The following TNRC6A variants were observed in gnomAD, a reference collection of about 807,000 sequenced individuals.
TNRC6A encodes the protein trinucleotide repeat-containing gene 6A protein.
A neutral mutation model predicts 221.2 loss-of-function variants in TNRC6A; 44 were observed. The observed-to-expected ratio is 0.20, with a 90% CI of 0.16 to 0.26. The LOEUF (loss-of-function observed/expected upper bound fraction) is 0.26. Ranked by LOEUF, TNRC6A falls within the 10% of genes least tolerant of loss-of-function variation. The pLI is 1.00. For synonymous variants in TNRC6A, 847 were observed against 838.5 expected (o/e 1.01, Z -0.18); for missense variants, 2,199 against 2,404.4 (o/e 0.91, Z 1.79).
At chr16:24,795,737 A>G (rs1334381526) in intron 8 of TNRC6A, 170 bp from the exon 9 acceptor site, 6 of 553,662 alleles carry the variant, frequency 1.1e-5, no homozygotes, top group Admixed American at 3.2e-5. Context: ...CCTCACAACC[A>G]TCTAAGATAG....
At chr16:24,775,048 C>T (rs1179206230) in intron 4 of TNRC6A, among the ~76,000 whole-genome samples, 2 of 152,114 alleles carry the variant, frequency 1.3e-5, no homozygotes, top group African/African-American at 4.8e-5. Flanking sequence ...GGAGGGCTGC[C>T]TGTACTTTAT....
intron 2 of TNRC6A, among the ~76,000 whole-genome samples, chr16:24,658,452 T>C (rs1238490597): frequency 6.6e-6 from 1 of 151,822 alleles, no homozygotes; most frequent in Non-Finnish European, 1.5e-5. Context: ...ACCTCTGCCT[T>C]CCCAATTCGA....
intron 8 of TNRC6A, among the ~76,000 whole-genome samples, chr16:24,794,944 C>T (rs1306243492): frequency 6.6e-6 from 1 of 152,152 alleles, no homozygotes; most frequent in Non-Finnish European, 1.5e-5. Context: ...CTCTTCCTCC[C>T]CCTCCACCAG....
At chr16:24,690,013 AAAAAAAAAAAAAAAT>A (rs2055722077) in intron 2 of TNRC6A, among the ~76,000 whole-genome samples, 1 of 70,952 alleles carries the variant, frequency 1.4e-5, no homozygotes, top group Admixed American at 1.6e-4. Context: ...AAAAAAAAAA[AAAAAAAAAAAAAAAT>A]TTTTTTTTTT....
At chr16:24,758,466 G>A (rs2057297561) in intron 4 of TNRC6A, 106 bp downstream of exon 4, 1 of 1,235,146 alleles carries the variant, frequency 8.1e-7, no homozygotes, top group East Asian at 2.4e-5. Flanking sequence ...CATGAAAGAA[G>A]CGGTTGGGAT....
At chr16:24,682,954 T>C (rs1180239962) in intron 2 of TNRC6A, among the ~76,000 whole-genome samples, 2 of 152,190 alleles carry the variant, frequency 1.3e-5, no homozygotes, top group African/African-American at 4.8e-5. Flanking sequence ...TCCTTCAAGA[T>C]AGTTGTTTAC....
chr16:24,641,958 T>C (rs1347088611), intron 2 of TNRC6A, among the ~76,000 whole-genome samples: 1 of 152,196 alleles, frequency 6.6e-6, no homozygotes, highest in Non-Finnish European at 1.5e-5. Flanking sequence ...AAATTCTCAA[T>C]TGACACGGTA....
At chr16:24,646,810 T>C (rs928310374) in intron 2 of TNRC6A, among the ~76,000 whole-genome samples, 2 of 152,224 alleles carry the variant, frequency 1.3e-5, no homozygotes, top group African/African-American at 4.8e-5. Context: ...CTCAGCTAAA[T>C]TGTGCAATTT....
In TNRC6A at chr16:24,644,081, ATTTTT is replaced by A. The variant is rs748251760; in HGVS notation, n.402+3091_402+3095del. Among the ~76,000 whole-genome samples the A allele has an allele frequency of 1.5e-4, 12 of 81,564 alleles. No homozygotes were observed. The South Asian group carries it at 4.1e-3, about 28-fold the overall frequency. The allele number at this position is 81,564 out of a possible 152,430, so 53.5% of individuals were successfully genotyped here. On this transcript the variant is annotated intron_variant and non_coding_transcript_variant, in intron 2 of 2. Coordinates refer to the TNRC6A transcript ENST00000566108. Reference sequence around the variant, plus strand: ...TTGTTTGTTTTGTTTCTTATCTTTAATTTTTTTTTTTTTTTTTTTTTTTGAGACAG... The same window carrying A: ...TTGTTTGTTTTGTTTCTTATCTTTAATTTTTTTTTTTTTTTTTTGAGACAG...
intron 2 of TNRC6A, chr16:24,663,838 G>A: frequency 2.2e-6 from 1 of 446,018 alleles, no homozygotes; most frequent in African/African-American, 2.0e-5. Context: ...AAATCATGTT[G>A]TTAGCATCAA....
intron 2 of TNRC6A, among the ~76,000 whole-genome samples, chr16:24,693,324 C>T (rs548085517): frequency 1.3e-5 from 2 of 152,176 alleles, no homozygotes; most frequent in East Asian, 3.9e-4. Context: ...CAGTAGCTCA[C>T]GCCTGGAATC....
At position 24,823,622 on chromosome 16, in the gene TNRC6A, G is replaced by A; in HGVS notation, c.5704G>A (p.Gly1902Ser). The A allele has an allele frequency of 6.2e-7, 1 of 1,614,052 alleles. No individual in the cohort carries two copies. Among genetic ancestry groups the A allele is most frequent in the Non-Finnish European group, 8.5e-7 (1 of 1,179,964 alleles). Reference protein sequence around the residue: ...SSRTDLNHWNGAGLSGTNCGD... With the variant: ...SSRTDLNHWNSAGLSGTNCGD... ...CCGGACCGATCTCAATCACTGGAAT[G>A]GTGCTGGGCTGTCGGGAACTAACTG... is the stretch of plus-strand genomic sequence containing the variant. The change falls in exon 25 of 25, where the codon GGT becomes AGT. Residue 1902 changes from glycine to serine, a missense_variant. Around this residue, in one of 8 missense-constraint regions of TNRC6A, gnomAD observed 130 missense variants for 121.7 expected, o/e 1.07. Coordinates refer to ENST00000395799, the MANE Select transcript of TNRC6A (RefSeq NM_014494.4). The surrounding 1 kb of genome is among the most constrained non-coding windows in gnomAD (Gnocchi z 4.3).
intron 2 of TNRC6A, among the ~76,000 whole-genome samples, chr16:24,655,839 A>G (rs2054900313): frequency 6.6e-6 from 1 of 152,092 alleles, no homozygotes; most frequent in African/African-American, 2.4e-5. Context: ...TAGATAATAG[A>G]TACATAGCAA....
intron 21 of TNRC6A, among the ~76,000 whole-genome samples, chr16:24,819,323 C>G (rs547661174): frequency 3.1e-4 from 47 of 152,274 alleles, no homozygotes; most frequent in Non-Finnish European, 5.7e-4. Context: ...ATGCTTTTAG[C>G]ATGATAGTTG....
chr16:24,728,534 G>A (rs1254370806), upstream of TNRC6A, among the ~76,000 whole-genome samples: 2 of 152,088 alleles, frequency 1.3e-5, no homozygotes, highest in Non-Finnish European at 2.9e-5. Flanking sequence ...GATCCACAGA[G>A]TGGGGTTTCT....
At position 24,805,188 on chromosome 16, in the gene TNRC6A, CA is replaced by C. The variant is rs773383340; in HGVS notation, c.4122+42del. ...TTCCTTACATTCTCCTGTTTACCTGCAAAAAGGATCTTGCATGATTTTGTAT... is the reference window on the plus strand; with the variant it reads ...TTCCTTACATTCTCCTGTTTACCTGCAAAAGGATCTTGCATGATTTTGTAT... On this transcript the variant is annotated intron_variant, in intron 14 of 24. Transcript: ENST00000395799. 3.1e-6 allele frequency: 5 copies of C among 1,601,422 alleles called. No homozygotes were observed. In the Admixed American group the frequency reaches 8.6e-5, roughly 28 times the overall value.
chr16:24,824,972 A>G lies in TNRC6A; in HGVS notation c.*1165A>G, dbSNP rs898153033. On this transcript the variant is annotated 3_prime_UTR_variant, in exon 25 of 25. Coordinates refer to ENST00000395799, the MANE Select transcript of TNRC6A (RefSeq NM_014494.4). Reference sequence around the variant, plus strand: ...ATTAGTGAGTGATGATGGTTTGCTAATAATCAATAGGTAATAATTTTTTGT... The same window carrying G: ...ATTAGTGAGTGATGATGGTTTGCTAGTAATCAATAGGTAATAATTTTTTGT... The G allele has an allele frequency of 1.3e-5, 2 of 152,624 alleles. No homozygotes were observed. Among genetic ancestry groups the G allele is most frequent in the African/African-American group, 2.4e-5 (1 of 41,446 alleles). The allele number at this position is 152,624 out of a possible 1,614,324, so 9.5% of individuals were successfully genotyped here. A position where few individuals can be genotyped will look rare whatever the true frequency, so the allele number is the denominator to read the frequency against.
At chr16:24,808,611 G>C (rs1009190264) in intron 17 of TNRC6A, among the ~76,000 whole-genome samples, 1 of 152,194 alleles carries the variant, frequency 6.6e-6, no homozygotes, top group African/African-American at 2.4e-5. Flanking sequence ...GCAAAAATAC[G>C]CATGGTATTA....
At chr16:24,666,254 G>A (rs906149192) in intron 2 of TNRC6A, among the ~76,000 whole-genome samples, 9 of 151,932 alleles carry the variant, frequency 5.9e-5, no homozygotes, top group Non-Finnish European at 5.9e-5. Context: ...GGATCACGAG[G>A]TCAGGAGATT....
Sources: gnomAD v4.1 joint callset for allele counts (sites outside exome capture counted in the v4.1 genomes callset) on GRCh38, gnomAD v4.1.1 for gene constraint, gnomAD v4.1.1 regional missense constraint, Gnocchi (gnomAD v3.1) non-coding constraint, MANE v1.5 for transcripts, NCBI Gene and HGNC (gene_info 2026-07-23, HGNC 2026-07-21) for gene names.